Variants in SAMD12 observed in about 807,000 individuals in gnomAD.
SAMD12 encodes the protein sterile alpha motif domain-containing protein 12.
Under a neutral mutation model 15.0 loss-of-function variants are expected in SAMD12, and 9 were observed. The observed-to-expected ratio is 0.60, with a 90% confidence interval of 0.36 to 1.05. The LOEUF is 1.05. Among genes scored for constraint, SAMD12 ranks in the 50% least tolerant of loss-of-function variants. The pLI, the probability that SAMD12 is intolerant of heterozygous loss-of-function variation, is 0.01. For missense variants in SAMD12, 230 were observed against 234.2 expected, an observed-to-expected ratio of 0.98 and a Z score of 0.12; for synonymous variants, 86 against 90.1, an observed-to-expected ratio of 0.96 and a Z score of 0.25.
chr8:118,502,858 TGCCCAATTCTCTATG>T (rs1346393839), intron 2 of SAMD12, among the ~76,000 whole-genome samples: 1 of 152,228 alleles, frequency 6.6e-6, no homozygotes, highest in Non-Finnish European at 1.5e-5. Flanking sequence ...ATAGTACCTT[TGCCCAATTCTCTATG>T]GCAGGCCAAG....
chr8:118,332,402 G>T (rs891045110), intron 4 of SAMD12, among the ~76,000 whole-genome samples: 22 of 152,206 alleles, frequency 1.4e-4, no homozygotes, highest in African/African-American at 5.3e-4. Flanking sequence ...GACCAGCGTC[G>T]CTGCAGTGGC....
intron 2 of SAMD12, among the ~76,000 whole-genome samples, chr8:118,545,206 C>G (rs1826090257): frequency 6.6e-6 from 1 of 152,182 alleles, no homozygotes; most frequent in Non-Finnish European, 1.5e-5. Flanking sequence ...GTGGCTCACA[C>G]CTGTAATCCC....
At chr8:118,611,982 C>T (rs940449987) in intron 1 of SAMD12, among the ~76,000 whole-genome samples, 5 of 152,224 alleles carry the variant, frequency 3.3e-5, no homozygotes, top group African/African-American at 1.2e-4. Context: ...AAATGGACAT[C>T]CAACGCAAGA....
At chr8:118,497,382 T>A (rs1586764166) in intron 2 of SAMD12, among the ~76,000 whole-genome samples, 5 of 152,184 alleles carry the variant, frequency 3.3e-5, no homozygotes, top group Admixed American at 2.0e-4. Context: ...TAGAATACTA[T>A]GCAGCCATAA....
chr8:118,400,359 GACC>G (rs1443549652), intron 3 of SAMD12: 1 of 152,144 alleles, frequency 6.6e-6, no homozygotes, highest in Non-Finnish European at 1.5e-5. Flanking sequence ...TCAAATCTAG[GACC>G]ACCAGATTTC....
At chr8:118,497,028 A>ACACTAGTCACACTAGT (rs1824635563) in intron 2 of SAMD12, among the ~76,000 whole-genome samples, 1 of 152,246 alleles carries the variant, frequency 6.6e-6, no homozygotes, top group Admixed American at 6.5e-5. Context: ...ATACCAACTC[A>ACACTAGTCACACTAGT]CACTAGTCAG....
chr8:118,444,324 A>G (rs1822842512), intron 2 of SAMD12, among the ~76,000 whole-genome samples: 1 of 150,794 alleles, frequency 6.6e-6, no homozygotes, highest in East Asian at 1.9e-4. Context: ...CTGCCCTGAA[A>G]GAGGCCCGAG....
At chr8:118,293,082 A>G (rs866529283) in intron 4 of SAMD12, among the ~76,000 whole-genome samples, 2 of 150,928 alleles carry the variant, frequency 1.3e-5, no homozygotes, top group African/African-American at 4.9e-5. Context: ...AAAAAAATCA[A>G]TAACAAACCT....
rs535556412 is a variant in SAMD12 at position 118,474,418 on chromosome 8, T to A, written c.193-34457A>T. The stretch of plus-strand genomic sequence containing the variant: ...TTGTTTTGAGACAGTTTTGCTCTTG[T>A]TGCCTAGGCTGGAGTGCAATGGTGC... On this transcript the variant is annotated intron_variant, in intron 2 of 3. Transcript: ENST00000314727. 2.0e-5 allele frequency among the ~76,000 whole-genome samples: 3 copies of A among 152,298 alleles called. No homozygotes were observed. In the South Asian group the frequency reaches 6.2e-4, roughly 32 times the overall value.
chr8:118,186,224 C>T (rs574557593), downstream of SAMD12, among the ~76,000 whole-genome samples: 1 of 152,296 alleles, frequency 6.6e-6, no homozygotes, highest in South Asian at 2.1e-4. Flanking sequence ...GCATCTCTCC[C>T]CAACCCCAAC....
the SAMD12 span, among the ~76,000 whole-genome samples, chr8:118,175,678 G>T: frequency 6.6e-6 from 1 of 152,068 alleles, no homozygotes; most frequent in East Asian, 1.9e-4. Context: ...AATGGGCAAA[G>T]GACATGAAAA....
chr8:118,153,933 A>T, the SAMD12 span, among the ~76,000 whole-genome samples: 1 of 151,978 alleles, frequency 6.6e-6, no homozygotes, highest in African/African-American at 2.4e-5. Context: ...ATCTGAAATG[A>T]ATTTCTCTCC....
chr8:118,310,712 G>T (rs541469056), intron 4 of SAMD12, among the ~76,000 whole-genome samples: 1 of 152,264 alleles, frequency 6.6e-6, no homozygotes, highest in South Asian at 2.1e-4. Flanking sequence ...GGGTGGTCTT[G>T]TTCAGAAGTC....
chr8:118,226,415 A>T (rs1302746533), intron 4 of SAMD12, among the ~76,000 whole-genome samples: 1 of 152,204 alleles, frequency 6.6e-6, no homozygotes, highest in African/African-American at 2.4e-5. Flanking sequence ...CTAAACCAAA[A>T]GCATCAGATG....
At chr8:118,194,391 C>G (rs1819496625) in exon 5 of SAMD12, 1 of 152,170 alleles carries the variant, frequency 6.6e-6, no homozygotes, top group African/African-American at 2.4e-5. Context: ...GATAGGATCT[C>G]TCTTCCCCTA....
At chr8:118,451,948 T>C (rs143425339) in intron 2 of SAMD12, among the ~76,000 whole-genome samples, 78 of 152,298 alleles carry the variant, frequency 5.1e-4, no homozygotes, top group African/African-American at 1.8e-3. Flanking sequence ...ATTCACATGT[T>C]GAAGCCCTAA....
chr8:118,251,734 C>T (rs141020813), intron 4 of SAMD12, among the ~76,000 whole-genome samples: 13 of 152,128 alleles, frequency 8.5e-5, no homozygotes, highest in South Asian at 4.1e-4. Context: ...AGCTATATTC[C>T]GTACCTAATA....
At chr8:118,400,361 C>T (rs140402022) in intron 3 of SAMD12, 2 of 152,294 alleles carry the variant, frequency 1.3e-5, no homozygotes, top group East Asian at 3.9e-4. Flanking sequence ...AAATCTAGGA[C>T]CACCAGATTT....
At chr8:118,237,839 C>T (rs908737939) in intron 4 of SAMD12, among the ~76,000 whole-genome samples, 9 of 152,174 alleles carry the variant, frequency 5.9e-5, no homozygotes, top group African/African-American at 2.2e-4. Context: ...TGTTGCCTCT[C>T]TTCCATCTCC....
Sources: gnomAD v4.1 joint callset for allele counts (sites outside exome capture counted in the v4.1 genomes callset) on GRCh38, gnomAD v4.1.1 for gene constraint, MANE v1.5 for transcripts, NCBI Gene and HGNC (gene_info 2026-07-23, HGNC 2026-07-21) for gene names.